Variants in MYO6 observed in about 807,000 individuals in gnomAD.
MYO6 encodes the protein unconventional myosin-VI.
Under a neutral mutation model 178.7 loss-of-function variants are expected in MYO6, and 74 were observed. That is an observed-to-expected ratio of 0.41 (90% CI 0.34 to 0.50). The LOEUF is 0.50. Ranked by LOEUF, MYO6 falls within the 20% of genes least tolerant of loss-of-function variation. The pLI, the probability that MYO6 is intolerant of heterozygous loss-of-function variation, is 0.09. For missense variants in MYO6, 1,330 were observed against 1,547.4 expected, an observed-to-expected ratio of 0.86 and a Z score of 2.36; for synonymous variants, 477 against 504.6, an observed-to-expected ratio of 0.95 and a Z score of 0.73.
chr6:75,829,226 G>T (rs1451224130), intron 4 of MYO6, among the ~76,000 whole-genome samples: 1 of 152,032 alleles, frequency 6.6e-6, no homozygotes, highest in South Asian at 2.1e-4. Flanking sequence ...AATAGTCAAG[G>T]TTTACACCAA....
chr6:75,905,680 T>C (rs1309969716), intron 30 of MYO6, among the ~76,000 whole-genome samples: 1 of 152,248 alleles, frequency 6.6e-6, no homozygotes, highest in Admixed American at 6.5e-5. Context: ...ACCCGTCTTC[T>C]GCGTCGCTCA....
At chr6:75,803,001 A>G (rs1177535346) in intron 1 of MYO6, among the ~76,000 whole-genome samples, 2 of 152,192 alleles carry the variant, frequency 1.3e-5, no homozygotes, top group African/African-American at 4.8e-5. Context: ...GCTTTTTCTG[A>G]AAAAGTCTAC....
chr6:75,812,531 A>G (rs755717035), intron 1 of MYO6, among the ~76,000 whole-genome samples: 2 of 152,196 alleles, frequency 1.3e-5, no homozygotes, highest in Non-Finnish European at 2.9e-5. Context: ...CTCTTGTGCT[A>G]TCAAGTACTA....
Position 75,911,712 on chromosome 6 carries a change from T to G in MYO6, c.3439+14T>G, listed in dbSNP as rs759833503. The G allele has an allele frequency of 3.6e-5, 58 of 1,609,530 alleles. No homozygotes were observed. The highest frequency in any genetic ancestry group is 4.8e-5 in the Non-Finnish European group (57 of 1,176,206). Reference sequence around the variant, plus strand: ...TGAACAATTCACGTAAGTCAATGGGTGGTAACTCATGAGCTAACTGGAAGA... The same window carrying G: ...TGAACAATTCACGTAAGTCAATGGGGGGTAACTCATGAGCTAACTGGAAGA... On this transcript the variant is annotated intron_variant, in intron 33 of 34. Transcript: ENST00000369977.
chr6:75,831,041 G>A (rs1161871705), intron 5 of MYO6, among the ~76,000 whole-genome samples: 1 of 152,150 alleles, frequency 6.6e-6, no homozygotes, highest in East Asian at 1.9e-4. Context: ...ATTAAAAGTA[G>A]TATATGCTTC....
At chr6:75,799,033 A>C (rs1769149570) in intron 1 of MYO6, among the ~76,000 whole-genome samples, 1 of 152,210 alleles carries the variant, frequency 6.6e-6, no homozygotes, top group Non-Finnish European at 1.5e-5. Context: ...CGAAATACTT[A>C]AAAATATAGC....
intron 1 of MYO6, among the ~76,000 whole-genome samples, chr6:75,770,965 CAT>C (rs1765822202): frequency 6.6e-6 from 1 of 150,980 alleles, no homozygotes; most frequent in African/African-American, 2.4e-5. Context: ...CCCCAAGACA[CAT>C]GTGTAAGCTA....
chr6:75,894,669 T>A, intron 28 of MYO6: 1 of 493,162 alleles, frequency 2.0e-6, no homozygotes, highest in Non-Finnish European at 3.4e-6. Flanking sequence ...GCACTGAGTT[T>A]TTTCTCTAAC....
chr6:75,789,911 T>C (rs1417250605), intron 1 of MYO6, among the ~76,000 whole-genome samples: 1 of 152,212 alleles, frequency 6.6e-6, no homozygotes, highest in Non-Finnish European at 1.5e-5. Flanking sequence ...CCCTCTTTCA[T>C]TGGTAAGCAC....
At position 75,900,876 on chromosome 6, in the gene MYO6, T is replaced by G. The variant is rs551497369; in HGVS notation, c.3176+2465T>G. On this transcript the variant is annotated intron_variant, in intron 30 of 34. Coordinates refer to ENST00000369977, the MANE Select transcript of MYO6 (RefSeq NM_004999.4). Reference sequence around the variant, plus strand: ...GTTTTTATGGTTTTAGGTCTAACGTTTAAGTCTTTAATCCATCTTGAATTG... The same window carrying G: ...GTTTTTATGGTTTTAGGTCTAACGTGTAAGTCTTTAATCCATCTTGAATTG... 2.3e-3 allele frequency among the ~76,000 whole-genome samples: 345 copies of G among 150,614 alleles called. 5 individuals carry two copies. Among genetic ancestry groups the G allele is most frequent in the African/African-American group, 7.9e-3 (325 of 40,890 alleles).
intron 18 of MYO6, among the ~76,000 whole-genome samples, chr6:75,868,333 T>C (rs1001219205): frequency 2.6e-5 from 4 of 151,912 alleles, no homozygotes; most frequent in Non-Finnish European, 5.9e-5. Flanking sequence ...TATTCTTCTA[T>C]TTCTGAATCG....
intron 25 of MYO6, 116 bp downstream of exon 25, chr6:75,887,110 G>A (rs1357107704): frequency 3.3e-6 from 3 of 918,288 alleles, no homozygotes; most frequent in South Asian, 1.5e-5. Flanking sequence ...AAAATGTGTT[G>A]AGACTCAATG....
chr6:75,834,277 G>A (rs1773420909), intron 6 of MYO6, among the ~76,000 whole-genome samples: 2 of 151,898 alleles, frequency 1.3e-5, no homozygotes, highest in South Asian at 2.1e-4. Context: ...CAGTCACCCA[G>A]GCTGTAGGGC....
intron 7 of MYO6, among the ~76,000 whole-genome samples, chr6:75,838,043 T>C (rs967853838): frequency 2.0e-5 from 3 of 147,762 alleles, no homozygotes; most frequent in African/African-American, 7.4e-5. Flanking sequence ...TTCCAAGTGC[T>C]TCTATAGCTT....
chr6:75,891,529 G>A (rs2149371358), intron 27 of MYO6, among the ~76,000 whole-genome samples: 1 of 152,274 alleles, frequency 6.6e-6, no homozygotes, highest in Non-Finnish European at 1.5e-5. Flanking sequence ...CTAATTGGGA[G>A]GTTGAGGCAG....
chr6:75,873,171 T>C, intron 19 of MYO6, 36 bp from the exon 20 acceptor site: 1 of 1,495,950 alleles, frequency 6.7e-7, no homozygotes, highest in Non-Finnish European at 9.3e-7. Flanking sequence ...AAGAATGCTA[T>C]ATGTATTGTA....
intron 1 of MYO6, among the ~76,000 whole-genome samples, chr6:75,753,822 T>C (rs994510621): frequency 6.6e-6 from 1 of 152,152 alleles, no homozygotes; most frequent in African/African-American, 2.4e-5. Flanking sequence ...CTGATTTTAT[T>C]TGACAAATTT....
chr6:75,845,956 C>T (rs2150269833), intron 10 of MYO6, among the ~76,000 whole-genome samples: 1 of 149,892 alleles, frequency 6.7e-6, no homozygotes, highest in South Asian at 2.1e-4. Flanking sequence ...CACTGTACTC[C>T]AGCCTGGGCG....
chr6:75,895,768 G>A (rs901033964), intron 29 of MYO6, among the ~76,000 whole-genome samples: 2 of 151,854 alleles, frequency 1.3e-5, no homozygotes, highest in East Asian at 1.9e-4. Flanking sequence ...CACCCGCCTC[G>A]GCCTCCCAAA....
Sources: gnomAD v4.1 joint callset for allele counts (sites outside exome capture counted in the v4.1 genomes callset) on GRCh38, gnomAD v4.1.1 for gene constraint, MANE v1.5 for transcripts, NCBI Gene and HGNC (gene_info 2026-07-23, HGNC 2026-07-21) for gene names.